The following FCGR1A variants were observed in gnomAD, a reference collection of about 807,000 sequenced individuals.
FCGR1A encodes high affinity immunoglobulin gamma Fc receptor I.
A neutral mutation model predicts 35.0 loss-of-function variants in FCGR1A; 13 were observed. The ratio of observed to expected loss-of-function variants is 0.37; its 90% CI spans 0.24 to 0.59. The LOEUF (loss-of-function observed/expected upper bound fraction) is 0.59, where lower values mean the gene tolerates loss of function less well. Among genes scored for constraint, FCGR1A ranks in the 20% least tolerant of loss-of-function variants. The pLI is 0.71. For synonymous variants in FCGR1A, 91 were observed against 164.7 expected, an observed-to-expected ratio of 0.55 and a Z score of 3.43; for missense variants, 227 against 430.0, an observed-to-expected ratio of 0.53 and a Z score of 4.17.
At chr1:149,790,431 A>G in intron 5 of FCGR1A, 93 bp downstream of exon 5, 1 of 1,543,916 alleles carries the variant, frequency 6.5e-7, no homozygotes, top group Non-Finnish European at 8.7e-7. Flanking sequence ...TTTGGCCCAG[A>G]CAGGAGGGGA....
At chr1:149,792,671 C>T (rs183784240), downstream of FCGR1A, 4 of 1,278,640 alleles carry the variant, frequency 3.1e-6, no homozygotes, top group Admixed American at 9.4e-5. Context: ...GCCGCAGCCG[C>T]CAGCGCCCGG....
chr1:149,793,818 C>T (rs1553752508), downstream of FCGR1A: 1 of 1,187,372 alleles, frequency 8.4e-7, no homozygotes, highest in Non-Finnish European at 1.1e-6. Flanking sequence ...TTTCAGAACA[C>T]TCAGAGGTTC....
rs781820002 is a variant in FCGR1A at position 149,788,488 on chromosome 1, T to C, written c.430T>C (p.Phe144Leu). The C allele has an allele frequency of 9.9e-6, 16 of 1,613,742 alleles. No individual in the cohort carries two copies. The highest frequency in any genetic ancestry group is 1.3e-5 in the Non-Finnish European group (15 of 1,179,788). The change falls in exon 4 of 6, where the codon TTT becomes CTT. Residue 144 changes from phenylalanine (F) to leucine (L), a missense_variant. Transcript: ENST00000369168. ...GCTTTACTATCGAAATGGCAAAGCC[T>C]TTAAGTTTTTCCACTGGAATTCTAA... ...NVLYYRNGKA[F>L]KFFHWNSNLT...
chr1:149,788,770 G>A (rs2091619973), intron 4 of FCGR1A, among the ~76,000 whole-genome samples, 153 bp downstream of exon 4: 1 of 151,996 alleles, frequency 6.6e-6, no homozygotes, highest in Admixed American at 6.5e-5. Flanking sequence ...ACCAGTAGCT[G>A]GAACCAGAAC....
At chr1:149,798,399 A>G in the FCGR1A span, among the ~76,000 whole-genome samples, 1 of 152,020 alleles carries the variant, frequency 6.6e-6, no homozygotes, top group Non-Finnish European at 1.5e-5. Flanking sequence ...GTGTTCTTCA[A>G]ATTCTCCATA....
chr1:149,797,260 T>G, the FCGR1A span, among the ~76,000 whole-genome samples: 3 of 152,198 alleles, frequency 2.0e-5, no homozygotes, highest in Non-Finnish European at 2.9e-5. Flanking sequence ...TTTCTGTTTC[T>G]CTTATTCTTT....
chr1:149,793,474 T>A (rs612185), downstream of FCGR1A, among the ~76,000 whole-genome samples: 2 of 152,044 alleles, frequency 1.3e-5, no homozygotes. Context: ...CTATCACGGA[T>A]GAAAAGATTA....
downstream of FCGR1A, chr1:149,794,095 G>C (rs782583310): frequency 9.2e-5 from 45 of 491,408 alleles, no homozygotes; most frequent in South Asian, 6.4e-4. Flanking sequence ...GGGCTGTAGA[G>C]AGACAACAGT....
chr1:149,793,197 C>G, downstream of FCGR1A: 1 of 1,277,536 alleles, frequency 7.8e-7, no homozygotes, highest in Non-Finnish European at 1.0e-6. Flanking sequence ...GGGCTCCCAG[C>G]AGGCGCCCCA....
chr1:149,789,346 T>C (rs2091639305), intron 4 of FCGR1A, among the ~76,000 whole-genome samples: 1 of 152,012 alleles, frequency 6.6e-6, no homozygotes, highest in African/African-American at 2.4e-5. Flanking sequence ...TGAGCTGAGA[T>C]AGCGCCACTG....
rs1178645357 is a variant in FCGR1A, at chr1:149,791,046, G to T, written c.845-191G>T. On this transcript the variant is annotated intron_variant, in intron 5 of 5. Coordinates refer to ENST00000369168, the MANE Select transcript of FCGR1A (RefSeq NM_000566.4). ...CCCAGCAATTAAGCTCTTCCAAGGA[G>T]CCTGTCCCTGTCTATACACCATATA... 2.0e-5 allele frequency among the ~76,000 whole-genome samples: 3 copies of T among 150,482 alleles called. No individual in the cohort carries two copies. In the East Asian group the frequency reaches 5.9e-4, roughly 30 times the overall value.
In FCGR1A at chr1:149,788,592, A is replaced by C; in HGVS notation, c.534A>C (p.Ser178=). The change falls in exon 4 of 6, where the codon TCA becomes TCC. Residue 178 remains serine (S), a synonymous_variant. Transcript: ENST00000369168. Reference sequence around the variant, plus strand: ...GCATGGGAAAGCATCGCTACACATCAGCAGGAATATCTGTCACTGTGAAAG... The same window carrying C: ...GCATGGGAAAGCATCGCTACACATCCGCAGGAATATCTGTCACTGTGAAAG... ...CSGMGKHRYT[S]AGISVTVKEL... is the part of the protein sequence containing the mutation. 2 of 1,614,024 alleles carry C rather than the reference A, an allele frequency of 1.2e-6. No homozygotes were observed. The highest frequency in any genetic ancestry group is 1.7e-6 in the Non-Finnish European group (2 of 1,179,872).
At chr1:149,788,226 A>G in intron 3 of FCGR1A, 140 bp from the exon 4 acceptor site, 2 of 1,577,312 alleles carry the variant, frequency 1.3e-6, no homozygotes, top group Non-Finnish European at 1.7e-6. Flanking sequence ...TATTTGAGGA[A>G]CTGGATATAG....
chr1:149,790,635 CA>C (rs2091684678), intron 5 of FCGR1A, among the ~76,000 whole-genome samples: 1 of 150,398 alleles, frequency 6.6e-6, no homozygotes, highest in South Asian at 2.2e-4. Flanking sequence ...CCCTCCCTCC[CA>C]CTCTTCCCTC....
chr1:149,789,314 A>T (rs1437827758), intron 4 of FCGR1A, among the ~76,000 whole-genome samples: 2 of 152,000 alleles, frequency 1.3e-5, no homozygotes, highest in African/African-American at 4.8e-5. Context: ...AATAGCATGA[A>T]CCCGGGAAGC....
downstream of FCGR1A, chr1:149,792,679 C>G (rs1553752158): frequency 3.1e-6 from 4 of 1,280,150 alleles, no homozygotes; most frequent in East Asian, 5.7e-5. Flanking sequence ...CGCCAGCGCC[C>G]GGGGACCCAG....
chr1:149,793,560 G>A (rs1365259412), downstream of FCGR1A, among the ~76,000 whole-genome samples: 1 of 152,006 alleles, frequency 6.6e-6, no homozygotes, highest in Non-Finnish European at 1.5e-5. Flanking sequence ...TAGAGGGGTG[G>A]TGGGGTGGAG....
In FCGR1A at chr1:149,788,637, A is replaced by G; in HGVS notation, c.559+20A>G. On this transcript the variant is annotated intron_variant, in intron 4 of 5. Coordinates refer to ENST00000369168, the MANE Select transcript of FCGR1A (RefSeq NM_000566.4). ...TGAAAGGTATTGTATTGGAATAGTC[A>G]TAGAACTGATAGTCCCTCCCCCTGA... 1 of 1,613,920 alleles carries G rather than the reference A, an allele frequency of 6.2e-7. No homozygotes were observed. The highest frequency in any genetic ancestry group is 8.5e-7 in the Non-Finnish European group (1 of 1,179,854).
At chr1:149,800,225 T>C in the FCGR1A span, among the ~76,000 whole-genome samples, 2 of 152,368 alleles carry the variant, frequency 1.3e-5, no homozygotes, top group Admixed American at 1.3e-4. Context: ...GGAGCTTCCA[T>C]GCACCTCCAC....
Sources: gnomAD v4.1 joint callset for allele counts (sites outside exome capture counted in the v4.1 genomes callset) on GRCh38, gnomAD v4.1.1 for gene constraint, MANE v1.5 for transcripts, NCBI Gene and HGNC (gene_info 2026-07-23, HGNC 2026-07-21) for gene names.